LRP1B: variants seen among roughly 807,000 people sequenced by gnomAD.
The protein encoded by LRP1B is low-density lipoprotein receptor-related protein 1B.
Under a neutral mutation model 556.6 loss-of-function variants are expected in LRP1B, and 217 were observed. That is an observed-to-expected ratio of 0.39 (90% CI 0.35 to 0.44). The LOEUF (loss-of-function observed/expected upper bound fraction) is 0.44. LRP1B is among the 20% of genes least tolerant of loss of function. LRP1B has a pLI of 1.00. For missense variants in LRP1B, 5,053 were observed against 5,620.8 expected (o/e 0.90, Z 3.23); for synonymous variants, 2,047 against 1,865.8 (o/e 1.10, Z -2.50).
intron 2 of LRP1B, among the ~76,000 whole-genome samples, chr2:141,680,599 G>C (rs781641217): frequency 2.6e-5 from 4 of 152,054 alleles, no homozygotes; most frequent in Non-Finnish European, 5.9e-5. Context: ...TTCAACTTAG[G>C]ACTCTGTGAC....
chr2:141,026,703 C>A (rs1484518998), intron 11 of LRP1B, among the ~76,000 whole-genome samples: 1 of 152,036 alleles, frequency 6.6e-6, no homozygotes, highest in Non-Finnish European at 1.5e-5. Flanking sequence ...CTAATAACAT[C>A]TTTCCATAAA....
At chr2:142,107,688 C>T (rs1411872619) in intron 1 of LRP1B, among the ~76,000 whole-genome samples, 2 of 151,862 alleles carry the variant, frequency 1.3e-5, no homozygotes, top group African/African-American at 2.4e-5. Flanking sequence ...AGCGCAGTGG[C>T]ACAATCTCGG....
At position 141,285,837 on chromosome 2, in the gene LRP1B, C is replaced by T. The variant is rs534666726; in HGVS notation, c.344-31196G>A. ...ATCCCAGCACTTTGGGAGGCCGAGG[C>T]GGGCGGATCACGAGGTCAGGAGATC... On this transcript the variant is annotated intron_variant, in intron 3 of 90. Transcript: ENST00000389484. 1.2e-3 allele frequency among the ~76,000 whole-genome samples: 181 copies of T among 147,964 alleles called. 3 individuals are homozygous for T. The highest frequency in any genetic ancestry group is 2.3e-3 in the Non-Finnish European group (153 of 66,552).
chr2:141,164,959 C>T (rs1341736016), intron 7 of LRP1B, among the ~76,000 whole-genome samples: 4 of 151,900 alleles, frequency 2.6e-5, no homozygotes, highest in Admixed American at 1.3e-4. Context: ...GGTTTTTAAT[C>T]ATCTTATTCC....
intron 3 of LRP1B, among the ~76,000 whole-genome samples, chr2:141,384,335 A>T (rs1165977951): frequency 1.3e-5 from 2 of 152,180 alleles, no homozygotes; most frequent in Admixed American, 1.3e-4. Context: ...GTAACTACAT[A>T]GCTAAATTTA....
intron 3 of LRP1B, among the ~76,000 whole-genome samples, chr2:141,345,837 T>C (rs934762016): frequency 2.0e-5 from 3 of 151,884 alleles, no homozygotes; most frequent in African/African-American, 4.8e-5. Context: ...GGAACACCTA[T>C]AGATTTAGAA....
intron 63 of LRP1B, among the ~76,000 whole-genome samples, chr2:140,450,009 T>C (rs1450867513): frequency 6.6e-6 from 1 of 152,146 alleles, no homozygotes; most frequent in Non-Finnish European, 1.5e-5. Context: ...ACCATGCCAA[T>C]TACAGTCAAA....
chr2:140,577,357 C>A (rs981172221), intron 43 of LRP1B, among the ~76,000 whole-genome samples: 3 of 151,944 alleles, frequency 2.0e-5, no homozygotes, highest in African/African-American at 7.2e-5. Context: ...GTGGTGCGCA[C>A]CTGTAGTCCC....
intron 1 of LRP1B, among the ~76,000 whole-genome samples, chr2:142,118,766 C>A (rs954066713): frequency 1.2e-4 from 19 of 152,066 alleles, no homozygotes; most frequent in African/African-American, 2.4e-5. Flanking sequence ...ACATTTGGCA[C>A]CCCTCTGCTA....
intron 3 of LRP1B, among the ~76,000 whole-genome samples, chr2:141,287,219 GTTC>G (rs2105400849): frequency 6.6e-6 from 1 of 151,786 alleles, no homozygotes; most frequent in South Asian, 2.1e-4. Context: ...CATTATTTCA[GTTC>G]TTCTCATTCT....
chr2:141,040,416 TA>T (rs150714024), intron 11 of LRP1B, among the ~76,000 whole-genome samples: 2 of 152,160 alleles, frequency 1.3e-5, no homozygotes, highest in East Asian at 3.9e-4. Flanking sequence ...CTGCCAAAGT[TA>T]TACAATGCTG....
intron 7 of LRP1B, among the ~76,000 whole-genome samples, chr2:141,170,188 T>C (rs1297383987): frequency 1.3e-5 from 2 of 152,070 alleles, no homozygotes; most frequent in Non-Finnish European, 2.9e-5. Flanking sequence ...GTCCTAGAAA[T>C]GAAAACTGAA....
intron 31 of LRP1B, among the ~76,000 whole-genome samples, chr2:140,817,385 ACTTAT>A (rs1407183268): frequency 6.6e-6 from 1 of 151,948 alleles, no homozygotes; most frequent in African/African-American, 2.4e-5. Context: ...TTATCTTTTT[ACTTAT>A]CTTTTCTATT....
At chr2:142,118,120 T>C (rs116818577) in intron 1 of LRP1B, among the ~76,000 whole-genome samples, 2,522 of 152,230 alleles carry the variant, frequency 0.017, 72 homozygotes, top group African/African-American at 0.058. Context: ...GGATTCCTAC[T>C]TCGGGTTCCT....
At chr2:141,600,682 A>T (rs960467469) in intron 2 of LRP1B, among the ~76,000 whole-genome samples, 4 of 152,102 alleles carry the variant, frequency 2.6e-5, no homozygotes, top group Non-Finnish European at 4.4e-5. Context: ...CTCTGCCCAT[A>T]AAATAAGAAA....
chr2:140,655,253 T>C (rs983608780), intron 41 of LRP1B, among the ~76,000 whole-genome samples: 1 of 152,180 alleles, frequency 6.6e-6, no homozygotes, highest in Non-Finnish European at 1.5e-5. Context: ...TCTTATAAAG[T>C]ACAGTGGTGA....
At chr2:140,869,616 T>C (rs913339290) in intron 25 of LRP1B, among the ~76,000 whole-genome samples, 1 of 152,052 alleles carries the variant, frequency 6.6e-6, no homozygotes, top group African/African-American at 2.4e-5. Flanking sequence ...AGTATGGTGG[T>C]GGCAATAAAG....
intron 84 of LRP1B, among the ~76,000 whole-genome samples, chr2:140,288,266 G>A (rs556291934): frequency 6.6e-6 from 1 of 151,130 alleles, no homozygotes; most frequent in African/African-American, 2.4e-5. Flanking sequence ...CTACAAAAGA[G>A]GTTATATCTT....
chr2:141,716,703 G>T (rs142599218), intron 2 of LRP1B, among the ~76,000 whole-genome samples: 1 of 152,010 alleles, frequency 6.6e-6, no homozygotes, highest in Non-Finnish European at 1.5e-5. Context: ...CAGCTTTGGC[G>T]GCCTGCAATC....
Sources: gnomAD v4.1 joint callset for allele counts (sites outside exome capture counted in the v4.1 genomes callset) on GRCh38, gnomAD v4.1.1 for gene constraint, MANE v1.5 for transcripts, NCBI Gene and HGNC (gene_info 2026-07-23, HGNC 2026-07-21) for gene names.